The following RBM6 variants were observed in gnomAD, a reference collection of about 807,000 sequenced individuals.
RBM6 encodes RNA binding motif protein 6, also known as RNA-binding protein 6.
Under a neutral mutation model 140.4 loss-of-function variants are expected in RBM6, and 23 were observed. That is an observed-to-expected ratio of 0.16 (90% confidence interval 0.12 to 0.23). RBM6 has a LOEUF of 0.23. RBM6 is among the 10% of genes least tolerant of loss of function. RBM6 has a pLI of 1.00. For synonymous variants in RBM6, 439 were observed against 475.6 expected (o/e 0.92, Z 1.00); for missense variants, 1,139 against 1,386.7 (o/e 0.82, Z 2.84).
At chr3:49,962,824 GC>G in intron 2 of RBM6, 139 bp downstream of exon 2, 1 of 861,722 alleles carries the variant, frequency 1.2e-6, no homozygotes, top group Non-Finnish European at 1.7e-6. Context: ...TTGGCTGGGC[GC>G]GGTGGCTCAC....
chr3:49,972,216 A>T (rs2084829703), intron 4 of RBM6, 68 bp downstream of exon 4: 1 of 1,256,074 alleles, frequency 8.0e-7, no homozygotes. Flanking sequence ...TAATTTGAAA[A>T]ATTGTAGATT....
At chr3:50,068,534 G>A (rs1209555054) in intron 17 of RBM6, among the ~76,000 whole-genome samples, 156 bp from the exon 18 acceptor site, 2 of 152,334 alleles carry the variant, frequency 1.3e-5, no homozygotes, top group Middle Eastern at 3.4e-3. Flanking sequence ...GACAAGACCA[G>A]TTAGGGATTG....
rs1486888154 is a variant in RBM6 at position 50,042,752 on chromosome 3, T to TAAAAAAAAAAAA, written c.1558-5493_1558-5492insAAAAAAAAAAAA. ...ACAGAAGCGAGACCCTGTCTTTTTT[T>TAAAAAAAAAAAA]TAAAAAAAAAAGACTATCCTTGATG... On this transcript the variant is annotated intron_variant, in intron 6 of 20. Coordinates refer to ENST00000266022, the MANE Select transcript of RBM6 (RefSeq NM_005777.3). 1.1e-4 allele frequency among the ~76,000 whole-genome samples: 17 copies of TAAAAAAAAAAAA among 151,706 alleles called. No individual in the cohort carries two copies. The East Asian group carries it at 2.1e-3, about 19-fold the overall frequency.
At chr3:49,965,497 G>C (rs905323546) in intron 2 of RBM6, among the ~76,000 whole-genome samples, 3 of 151,892 alleles carry the variant, frequency 2.0e-5, no homozygotes, top group Admixed American at 2.0e-4. Context: ...GTGAAACCCC[G>C]CCTCTACAAA....
At chr3:50,069,713 TATGG>T (rs1289198626) in intron 18 of RBM6, among the ~76,000 whole-genome samples, 1 of 151,894 alleles carries the variant, frequency 6.6e-6, no homozygotes, top group Non-Finnish European at 1.5e-5. Context: ...AGAATCCACC[TATGG>T]AGGACTGTTA....
chr3:50,017,172 C>T (rs1247747161), intron 6 of RBM6, among the ~76,000 whole-genome samples: 1 of 152,074 alleles, frequency 6.6e-6, no homozygotes. Context: ...TGATGTTGAA[C>T]ATTTTGTCAT....
chr3:49,944,676 A>AC (rs2083412490), intron 1 of RBM6, among the ~76,000 whole-genome samples: 2 of 151,474 alleles, frequency 1.3e-5, no homozygotes, highest in Non-Finnish European at 2.9e-5. Flanking sequence ...GAGTTTCGCC[A>AC]TGTTGGGCAG....
intron 5 of RBM6, among the ~76,000 whole-genome samples, chr3:49,987,769 G>A (rs1297967589): frequency 6.6e-6 from 1 of 152,048 alleles, no homozygotes; most frequent in Non-Finnish European, 1.5e-5. Context: ...CTCCTGAGTA[G>A]CTGGGATTAC....
intron 1 of RBM6, among the ~76,000 whole-genome samples, chr3:49,951,839 C>T (rs2083749728): frequency 6.6e-6 from 1 of 152,022 alleles, no homozygotes; most frequent in Non-Finnish European, 1.5e-5. Flanking sequence ...TCTTCTGCCT[C>T]AACCTCCCAA....
At chr3:49,970,369 T>C (rs929875913) in intron 3 of RBM6, among the ~76,000 whole-genome samples, 3 of 152,204 alleles carry the variant, frequency 2.0e-5, no homozygotes, top group African/African-American at 7.2e-5. Flanking sequence ...AATGAGCCAC[T>C]GCCCCTACCC....
rs116707234 is a variant in RBM6 at position 49,966,336 on chromosome 3, G to A, written c.45-1134G>A. Among the ~76,000 whole-genome samples, 62 of 152,262 alleles carry A rather than the reference G, an allele frequency of 4.1e-4. 1 individual carries two copies. The highest frequency in any genetic ancestry group is 6.6e-4 in the Non-Finnish European group (45 of 68,008). ...TTTGTTTTACTGCTGAATAACAGAT[G>A]ACCCTTCAGGTCTTTTCATGTTTTC... On this transcript the variant is annotated intron_variant, in intron 2 of 20. Coordinates refer to ENST00000266022, the MANE Select transcript of RBM6 (RefSeq NM_005777.3).
intron 6 of RBM6, among the ~76,000 whole-genome samples, chr3:50,004,274 T>C (rs1347296314): frequency 1.3e-5 from 2 of 150,000 alleles, no homozygotes; most frequent in Non-Finnish European, 2.9e-5. Flanking sequence ...CTTTCCTTTT[T>C]CTTTTTCTTT....
intron 1 of RBM6, among the ~76,000 whole-genome samples, chr3:49,946,173 A>C (rs1367474191): frequency 6.6e-6 from 1 of 151,710 alleles, no homozygotes; most frequent in African/African-American, 2.4e-5. Context: ...GTCCTAGCAT[A>C]CTGTGTAATA....
intron 6 of RBM6, among the ~76,000 whole-genome samples, chr3:50,015,291 A>G (rs1181411041): frequency 6.6e-6 from 1 of 150,726 alleles, no homozygotes; most frequent in African/African-American, 2.4e-5. Context: ...TATTTTTAGC[A>G]GAGGCGGGGT....
chr3:50,069,636 G>A (rs2090236686), intron 18 of RBM6, among the ~76,000 whole-genome samples: 1 of 152,072 alleles, frequency 6.6e-6, no homozygotes, highest in African/African-American at 2.4e-5. Flanking sequence ...GCTGCAGTGA[G>A]CTATGATCAC....
rs542897497 is a variant in RBM6, at chr3:49,956,814, C to G, written c.-66-5762C>G. 4.0e-5 allele frequency among the ~76,000 whole-genome samples: 6 copies of G among 148,918 alleles called. No homozygotes were observed. In the Admixed American group the frequency reaches 4.1e-4, roughly 10 times the overall value. Reference sequence around the variant, plus strand: ...CTGAGTAGCTGAATTTACAGGCATGCGCCACCATGCCCAGCTAATTTTGTA... The same window carrying G: ...CTGAGTAGCTGAATTTACAGGCATGGGCCACCATGCCCAGCTAATTTTGTA... On this transcript the variant is annotated intron_variant, in intron 1 of 20. Transcript: ENST00000266022.
intron 1 of RBM6, among the ~76,000 whole-genome samples, chr3:49,944,818 A>G (rs2083418162): frequency 6.6e-6 from 1 of 151,056 alleles, no homozygotes; most frequent in Non-Finnish European, 1.5e-5. Context: ...GGGAATATAT[A>G]TACTCAGAAA....
At chr3:49,978,138 C>T (rs2085142100) in intron 5 of RBM6, among the ~76,000 whole-genome samples, 1 of 151,998 alleles carries the variant, frequency 6.6e-6, no homozygotes, top group African/African-American at 2.4e-5. Flanking sequence ...GTATTTGGGA[C>T]TACAGGTGCG....
At chr3:49,975,723 T>C (rs957133897) in intron 5 of RBM6, among the ~76,000 whole-genome samples, 2 of 152,254 alleles carry the variant, frequency 1.3e-5, no homozygotes, top group African/African-American at 4.8e-5. Context: ...TGCTTGAGCC[T>C]AATAGGATTT....
Sources: allele counts gnomAD v4.1 joint callset (sites outside exome capture counted in the v4.1 genomes callset), GRCh38; gene constraint gnomAD v4.1.1; transcripts MANE v1.5; gene names NCBI Gene and HGNC (gene_info 2026-07-23, HGNC 2026-07-21).